The following SLC9A1 variants were observed in gnomAD, a reference collection of about 807,000 sequenced individuals.
SLC9A1 encodes solute carrier family 9 member A1.
In SLC9A1, 22 loss-of-function variants were observed where a neutral mutation model predicts 67.9. The observed-to-expected ratio is 0.32, with a 90% CI of 0.23 to 0.46. SLC9A1 has a LOEUF of 0.46. Among genes scored for constraint, SLC9A1 ranks in the 20% least tolerant of loss-of-function variants. The probability of loss-of-function intolerance (pLI) is 1.00; values close to 1 mark genes in which losing one functional copy is unlikely to be tolerated. For missense variants in SLC9A1, 686 were observed against 1,094.8 expected, an observed-to-expected ratio of 0.63 and a Z score of 5.27; for synonymous variants, 421 against 471.8, an observed-to-expected ratio of 0.89 and a Z score of 1.40.
chr1:27,146,690 GA>G (rs1218154333), intron 1 of SLC9A1, among the ~76,000 whole-genome samples: 3 of 151,908 alleles, frequency 2.0e-5, no homozygotes, highest in Non-Finnish European at 4.4e-5. Context: ...GAGGTGGGGG[GA>G]TTGCCTGGAG....
intron 1 of SLC9A1, among the ~76,000 whole-genome samples, chr1:27,145,249 G>A (rs754367416): frequency 6.6e-6 from 1 of 152,206 alleles, no homozygotes; most frequent in East Asian, 1.9e-4. Flanking sequence ...CCAGTCCTCA[G>A]GGACTGCTTG....
chr1:27,155,101 G>T lies in SLC9A1; in HGVS notation c.-767C>A, dbSNP rs1360891139. Among the ~76,000 whole-genome samples the T allele has an allele frequency of 6.6e-6, 1 of 152,042 alleles. No homozygotes were observed. Among genetic ancestry groups the T allele is most frequent in the South Asian group, 2.1e-4 (1 of 4,824 alleles). On this transcript the variant is annotated 5_prime_UTR_variant, in exon 1 of 12. Coordinates refer to ENST00000263980, the MANE Select transcript of SLC9A1 (RefSeq NM_003047.5). The surrounding 1 kb of genome is among the most constrained non-coding windows in gnomAD (Gnocchi z 4.5). ...TGGTCCAGCTCCAGAACTAACCCTAGCCCCGGCCCCGGCGGCAGCAGACTG... is the reference window on the plus strand; with the variant it reads ...TGGTCCAGCTCCAGAACTAACCCTATCCCCGGCCCCGGCGGCAGCAGACTG...
chr1:27,147,352 G>C (rs549206853), intron 1 of SLC9A1, among the ~76,000 whole-genome samples: 1 of 147,638 alleles, frequency 6.8e-6, no homozygotes, highest in Non-Finnish European at 1.5e-5. Context: ...ATTAGCTGGG[G>C]GTGGTGGCGC....
At chr1:27,141,355 A>G (rs1332794283) in intron 1 of SLC9A1, among the ~76,000 whole-genome samples, 1 of 152,210 alleles carries the variant, frequency 6.6e-6, no homozygotes, top group Non-Finnish European at 1.5e-5. Context: ...CATGTTTCCA[A>G]AGGGAACTGC....
In SLC9A1 at chr1:27,102,685, T is replaced by C. The variant is rs1430758315; in HGVS notation, c.1634A>G (p.His545Arg). 1 of 1,613,856 alleles carries C rather than the reference T, an allele frequency of 6.2e-7. No individual in the cohort carries two copies. Among genetic ancestry groups the C allele is most frequent in the East Asian group, 2.2e-5 (1 of 44,882 alleles). Residue 545 changes from histidine to arginine, a missense_variant, in exon 7 of 12, where the codon CAC becomes CGC. This residue lies in a region of SLC9A1 where 168 missense variants were observed against 375.4 expected (regional missense o/e 0.45). Coordinates refer to ENST00000263980, the MANE Select transcript of SLC9A1 (RefSeq NM_003047.5). ...EDICGHYGHH[H>R]WKDKLNRFNK... ...GCCTGCCACCTACTTGTCCTTCCAG[T>C]GGTGGTGACCGTAGTGGCCACAGAT... is the stretch of plus-strand genomic sequence containing the variant.
intron 2 of SLC9A1, among the ~76,000 whole-genome samples, chr1:27,110,982 C>T (rs1454057561): frequency 6.6e-6 from 1 of 152,218 alleles, no homozygotes; most frequent in African/African-American, 2.4e-5. Context: ...AGGGCACAGA[C>T]CTGAGACCAG....
At chr1:27,121,886 G>C (rs936583322) in intron 1 of SLC9A1, among the ~76,000 whole-genome samples, 2 of 152,170 alleles carry the variant, frequency 1.3e-5, no homozygotes, top group Admixed American at 1.3e-4. Flanking sequence ...ACTTTGGGAG[G>C]CCGAGGTGGG....
At chr1:27,126,543 T>C (rs2083345440) in intron 1 of SLC9A1, among the ~76,000 whole-genome samples, 1 of 152,194 alleles carries the variant, frequency 6.6e-6, no homozygotes, top group Non-Finnish European at 1.5e-5. Flanking sequence ...CGCTCAGTTC[T>C]GTGGCCTGCA....
Position 27,102,055 on chromosome 1 carries a change from G to A in SLC9A1, c.1896C>T (p.Arg632=). ...ALSKDKEEEI[R]KILRNNLQKT... ...TCTGCAAGTTGTTCCTCAGGATTTT[G>A]CGGATCTCCTCCTCCTTGTCCTTGG... Residue 632 remains arginine (R), a synonymous_variant, in exon 9 of 12, where the codon CGC becomes CGT. Transcript: ENST00000263980. 1 of 1,613,998 alleles carries A rather than the reference G, an allele frequency of 6.2e-7. No homozygotes were observed. The highest frequency in any genetic ancestry group is 8.5e-7 in the Non-Finnish European group (1 of 1,179,926).
At position 27,154,490 on chromosome 1, in the gene SLC9A1, G is replaced by T. The variant is rs1050030918; in HGVS notation, c.-156C>A. The T allele has an allele frequency of 1.7e-5, 9 of 535,064 alleles. No individual in the cohort carries two copies. The African/African-American group carries it at 1.7e-4, about 10-fold the overall frequency. The allele number at this position is 535,064 out of a possible 1,614,324, so 33.1% of individuals were successfully genotyped here. On this transcript the variant is annotated 5_prime_UTR_variant, in exon 1 of 12. Transcript: ENST00000263980. ...CATTTCCATGGAAGCAATTTTCTGG[G>T]GGTGGAGGGAGGCTGGGTTTGCAAT...
Position 27,100,983 on chromosome 1 carries a change from C to T in SLC9A1, c.2110+220G>A, listed in dbSNP as rs574710633. On this transcript the variant is annotated intron_variant, in intron 11 of 11. Coordinates refer to ENST00000263980, the MANE Select transcript of SLC9A1 (RefSeq NM_003047.5). This position sits in a 1 kb window ranked among gnomAD's most constrained non-coding sequence, Gnocchi z 5.6. ...GATACCCTGCCTTCCTGCCAGGCACCGTGGCTCTCCCAGCTCCCCACACAG... is the reference window on the plus strand; with the variant it reads ...GATACCCTGCCTTCCTGCCAGGCACTGTGGCTCTCCCAGCTCCCCACACAG... Among the ~76,000 whole-genome samples the T allele has an allele frequency of 7.2e-5, 11 of 152,326 alleles. No homozygotes were observed. The highest frequency in any genetic ancestry group is 2.6e-4 in the African/African-American group (11 of 41,574).
chr1:27,132,343 C>T (rs1358175154), intron 1 of SLC9A1, among the ~76,000 whole-genome samples: 1 of 152,068 alleles, frequency 6.6e-6, no homozygotes, highest in Non-Finnish European at 1.5e-5. Flanking sequence ...CCCCATACTA[C>T]CCTCTTTCAG....
chr1:27,110,687 G>GC (rs2083222037), intron 2 of SLC9A1, among the ~76,000 whole-genome samples: 1 of 152,222 alleles, frequency 6.6e-6, no homozygotes, highest in Admixed American at 6.5e-5. Context: ...ACGCCAGGGG[G>GC]CCCCCAGCCC....
intron 1 of SLC9A1, among the ~76,000 whole-genome samples, chr1:27,124,267 C>A (rs145003489): frequency 0.01 from 1,583 of 152,222 alleles, 16 homozygotes; most frequent in Admixed American, 0.017. Context: ...CTAGATTTTT[C>A]TTTCCTCTTT....
rs952978351 is a variant in SLC9A1, at chr1:27,118,132, T to G, written c.353-3846A>C. Among the ~76,000 whole-genome samples the G allele has an allele frequency of 6.6e-6, 1 of 152,158 alleles. No homozygotes were observed. Among genetic ancestry groups the G allele is most frequent in the Non-Finnish European group, 1.5e-5 (1 of 68,010 alleles). On this transcript the variant is annotated intron_variant, in intron 1 of 11. Coordinates refer to ENST00000263980, the MANE Select transcript of SLC9A1 (RefSeq NM_003047.5). The surrounding 1 kb of genome is among the most constrained non-coding windows in gnomAD (Gnocchi z 4.3). ...CTCCTTCAGCCAGCTCCAGAGTACC[T>G]GGGGCTGGAGCCATGTTCCTGGAGC...
rs1321629763 is a variant in SLC9A1 at position 27,107,700 on chromosome 1, G to A, written c.1230C>T (p.Asn410=). 2 of 1,574,364 alleles carry A rather than the reference G, an allele frequency of 1.3e-6. No individual in the cohort carries two copies. Among genetic ancestry groups the A allele is most frequent in the African/African-American group, 1.3e-5 (1 of 74,562 alleles). The change falls in exon 4 of 12, where the codon AAC becomes AAT. Residue 410 remains asparagine (N), a synonymous_variant. Coordinates refer to ENST00000263980, the MANE Select transcript of SLC9A1 (RefSeq NM_003047.5). ...GCAGGGTGCTGATGACGAAGGTCCA[G>A]TTCCAGTGGTGGGAGCCGGCCACCG... The part of the protein sequence containing the change: ...VSTVAGSHHW[N]WTFVISTLLF...
intron 1 of SLC9A1, among the ~76,000 whole-genome samples, chr1:27,128,749 G>A (rs920572754): frequency 1.3e-5 from 2 of 151,856 alleles, no homozygotes; most frequent in African/African-American, 4.8e-5. Flanking sequence ...CCTGAGGTCA[G>A]GAGTTTGAGA....
In SLC9A1 at chr1:27,111,632, C is replaced by T. The variant is rs188331528; in HGVS notation, c.814-1855G>A. Among the ~76,000 whole-genome samples, 266 of 135,014 alleles carry T rather than the reference C, an allele frequency of 2.0e-3. 5 individuals are homozygous for T. In the East Asian group the frequency reaches 0.042, roughly 21 times the overall value. The allele number at this position is 135,014 out of a possible 152,430, so 88.6% of individuals were successfully genotyped here. A position where few individuals can be genotyped will look rare whatever the true frequency, so the allele number is the denominator to read the frequency against. On this transcript the variant is annotated intron_variant, in intron 2 of 11. Transcript: ENST00000263980. ...GCAACATAATGAGACCCCATATCTA[C>T]AAAATAAATAAATAAATAAATAAAT...
rs1276152280 is a variant in SLC9A1 at position 27,109,275 on chromosome 1, AG to A, written c.1064+251del. Among the ~76,000 whole-genome samples the A allele has an allele frequency of 6.6e-6, 1 of 152,128 alleles. No individual in the cohort carries two copies. The highest frequency in any genetic ancestry group is 1.5e-5 in the Non-Finnish European group (1 of 68,018). On this transcript the variant is annotated intron_variant, in intron 3 of 11. Transcript: ENST00000263980. The surrounding 1 kb of genome is among the most constrained non-coding windows in gnomAD (Gnocchi z 5.5). ...GGTCATTCTTGCTTCATCTGCTCAT[AG>A]CCTGAAATGCCCTCTCCCGATTCCT...
Sources: gnomAD v4.1 joint callset for allele counts (sites outside exome capture counted in the v4.1 genomes callset) on GRCh38, gnomAD v4.1.1 for gene constraint, gnomAD v4.1.1 regional missense constraint, Gnocchi (gnomAD v3.1) non-coding constraint, MANE v1.5 for transcripts, NCBI Gene and HGNC (gene_info 2026-07-23, HGNC 2026-07-21) for gene names.